The following DOCK10 variants were observed in gnomAD, a reference collection of about 807,000 sequenced individuals.
DOCK10 encodes the protein dedicator of cytokinesis 10, also known as dedicator of cytokinesis protein 10.
In DOCK10, 145 loss-of-function variants were observed where a neutral mutation model predicts 280.1. That is an observed-to-expected ratio of 0.52 (90% CI 0.45 to 0.59). The LOEUF (loss-of-function observed/expected upper bound fraction) is 0.59, where lower values mean the gene tolerates loss of function less well. Among genes scored for constraint, DOCK10 ranks in the 20% least tolerant of loss-of-function variants. The pLI is 0.00. For synonymous variants in DOCK10, 915 were observed against 942.2 expected (o/e 0.97, Z 0.53); for missense variants, 2,368 against 2,651.7 (o/e 0.89, Z 2.35).
chr2:224,803,727 T>C (rs1337963493), intron 39 of DOCK10, among the ~76,000 whole-genome samples: 1 of 152,102 alleles, frequency 6.6e-6, no homozygotes, highest in Non-Finnish European at 1.5e-5. Context: ...TAGGGAGACA[T>C]GATTCCACAT....
chr2:224,876,290 A>G lies in DOCK10; in HGVS notation c.748-69T>C, dbSNP rs1395190463. 9 of 1,365,560 alleles carry G rather than the reference A, an allele frequency of 6.6e-6. No homozygotes were observed. The Admixed American group carries it at 2.2e-4, about 33-fold the overall frequency. The allele number at this position is 1,365,560 out of a possible 1,614,324, so 84.6% of individuals were successfully genotyped here. On this transcript the variant is annotated intron_variant, in intron 7 of 55. Coordinates refer to ENST00000258390, the MANE Select transcript of DOCK10 (RefSeq NM_014689.3). The stretch of plus-strand genomic sequence containing the variant: ...TAAGCCTTCGAGAGAGAGATCATTT[A>G]TGTGGGCTTGAGGTTCCAAAAGTCT...
At chr2:224,994,565 T>G (rs1228670745) in intron 1 of DOCK10, among the ~76,000 whole-genome samples, 1 of 152,214 alleles carries the variant, frequency 6.6e-6, no homozygotes, top group Admixed American at 6.5e-5. Flanking sequence ...CAAAGATTGC[T>G]TCTTTCTAGC....
rs1485187379 is a variant in DOCK10, at chr2:224,804,133, G to A, written c.4247C>T (p.Thr1416Ile). The A allele has an allele frequency of 4.3e-6, 7 of 1,610,370 alleles. No individual in the cohort carries two copies. The highest frequency in any genetic ancestry group is 5.9e-6 in the Non-Finnish European group (7 of 1,177,244). Reference protein sequence around the residue: ...TLKGSNPSCQTSGLLSQWMHS... With the variant: ...TLKGSNPSCQISGLLSQWMHS... ...TTACCATTGTGACAAGAGACCTGATGTCTGGCAGGAAGGATTGGATCCTTT... is the reference window on the plus strand; with the variant it reads ...TTACCATTGTGACAAGAGACCTGATATCTGGCAGGAAGGATTGGATCCTTT... The change falls in exon 39 of 56, where the codon ACA becomes ATA. Residue 1416 changes from threonine to isoleucine, a missense_variant. Thr to Ile is a moderately conservative substitution (Grantham distance 89). Coordinates refer to ENST00000258390, the MANE Select transcript of DOCK10 (RefSeq NM_014689.3).
chr2:224,841,695 A>G, intron 23 of DOCK10, 109 bp downstream of exon 23: 1 of 649,068 alleles, frequency 1.5e-6, no homozygotes. Flanking sequence ...GTATTAAAAA[A>G]TCTTGAGTAA....
chr2:224,908,042 A>ATGTGTG (rs149316414), intron 3 of DOCK10, among the ~76,000 whole-genome samples: 2 of 150,860 alleles, frequency 1.3e-5, no homozygotes, highest in African/African-American at 4.9e-5. Flanking sequence ...AAGACTCTGA[A>ATGTGTG]TGTGTGTGTG....
In DOCK10 at chr2:224,928,169, T is replaced by G. The variant is rs75825566; in HGVS notation, c.243+3380A>C. The stretch of plus-strand genomic sequence containing the variant: ...GGTGAAGCAGGTAACATCAGAGATT[T>G]ACAGACACGCCTATATTCCACAAAG... On this transcript the variant is annotated intron_variant, in intron 2 of 55. Transcript: ENST00000258390. 4.4e-3 allele frequency among the ~76,000 whole-genome samples: 669 copies of G among 152,314 alleles called. 9 individuals carry two copies. The highest frequency in any genetic ancestry group is 0.015 in the African/African-American group (636 of 41,584).
At chr2:224,798,090 A>G (rs1274771980) in intron 41 of DOCK10, 121 bp from the exon 42 acceptor site, 1 of 950,920 alleles carries the variant, frequency 1.1e-6, no homozygotes, top group South Asian at 1.6e-5. Context: ...GAAATAAAGG[A>G]TTGAACAAGG....
chr2:224,837,745 C>G lies in DOCK10; in HGVS notation c.2850+17G>C, dbSNP rs779493630. On this transcript the variant is annotated intron_variant, in intron 25 of 55. Transcript: ENST00000258390. ...AGCACAAGGGGATATGAGCAATTTC[C>G]AAGAGGCATTTCATACCTTAATATA... 13 of 1,609,184 alleles carry G rather than the reference C, an allele frequency of 8.1e-6. No homozygotes were observed. The Middle Eastern group carries it at 1.2e-3, about 143-fold the overall frequency.
At chr2:224,845,665 T>C (rs985424370) in intron 19 of DOCK10, 23 bp from the exon 20 acceptor site, 2 of 1,595,288 alleles carry the variant, frequency 1.3e-6, no homozygotes, top group African/African-American at 1.4e-5. Flanking sequence ...AAACCATAGT[T>C]GGACTGAGAT....
chr2:224,777,704 T>C (rs1690976326), intron 51 of DOCK10, among the ~76,000 whole-genome samples: 1 of 152,224 alleles, frequency 6.6e-6, no homozygotes, highest in Non-Finnish European at 1.5e-5. Flanking sequence ...TGTGATCGTG[T>C]GAGTCAATAC....
At chr2:225,036,420 C>A (rs1690261686) in intron 1 of DOCK10, among the ~76,000 whole-genome samples, 1 of 152,134 alleles carries the variant, frequency 6.6e-6, no homozygotes. Flanking sequence ...TTGTATTGGA[C>A]CCTCATCAAT....
intron 1 of DOCK10, among the ~76,000 whole-genome samples, chr2:224,964,120 T>G (rs1479351936): frequency 2.0e-5 from 3 of 151,502 alleles, no homozygotes; most frequent in African/African-American, 4.9e-5. Context: ...TTAGCACAGG[T>G]GAGATGTCTT....
chr2:225,010,021 G>C (rs950206866), intron 1 of DOCK10, among the ~76,000 whole-genome samples: 1 of 152,144 alleles, frequency 6.6e-6, no homozygotes, highest in African/African-American at 2.4e-5. Context: ...GGAGCCTAAA[G>C]GTTGTCTGGG....
At chr2:224,895,831 G>A (rs1175132323) in intron 4 of DOCK10, among the ~76,000 whole-genome samples, 2 of 88,878 alleles carry the variant, frequency 2.3e-5, no homozygotes, top group Non-Finnish European at 4.1e-5. Context: ...GTGTGTGTGT[G>A]CGTGTGTGTG....
rs1559680266 is a variant in DOCK10, at chr2:224,892,418, A to AG, written c.416+3876_416+3877insC. ...GTCTCAAAAAAAAAAAAAAAAAAAAAAAAAGAAAGAAAGAAAAGAAAAGAA... is the reference window on the plus strand; with the variant it reads ...GTCTCAAAAAAAAAAAAAAAAAAAAAGAAAAGAAAGAAAGAAAAGAAAAGAA... On this transcript the variant is annotated intron_variant, in intron 4 of 55. Transcript: ENST00000258390. Among the ~76,000 whole-genome samples the AG allele has an allele frequency of 3.7e-4, 41 of 111,328 alleles. No homozygotes were observed. In the East Asian group the frequency reaches 5.3e-3, roughly 14 times the overall value. The allele number at this position is 111,328 out of a possible 152,430, so 73.0% of individuals were successfully genotyped here.
At chr2:224,814,299 A>C (rs894518306) in intron 31 of DOCK10, 21 bp downstream of exon 31, 11 of 1,478,564 alleles carry the variant, frequency 7.4e-6, no homozygotes, top group African/African-American at 1.4e-5. Flanking sequence ...ACTGATGCTT[A>C]GGTAAGGTAA....
At chr2:224,820,739 T>G (rs1281570226) in intron 28 of DOCK10, among the ~76,000 whole-genome samples, 2 of 152,220 alleles carry the variant, frequency 1.3e-5, no homozygotes, top group Non-Finnish European at 2.9e-5. Flanking sequence ...ATGAAGGGTT[T>G]TCACTTTTTA....
chr2:224,906,530 G>C (rs1282880091), intron 3 of DOCK10, among the ~76,000 whole-genome samples: 1 of 152,086 alleles, frequency 6.6e-6, no homozygotes, highest in Non-Finnish European at 1.5e-5. Flanking sequence ...GTGTGCTGGA[G>C]TGCAGTAGTG....
intron 14 of DOCK10, among the ~76,000 whole-genome samples, chr2:224,857,839 C>T (rs1388700316): frequency 5.3e-5 from 8 of 151,700 alleles, no homozygotes; most frequent in Admixed American, 6.6e-5. Flanking sequence ...TTTAAGTTAA[C>T]TGAAGAATTC....
Sources: allele counts gnomAD v4.1 joint callset (sites outside exome capture counted in the v4.1 genomes callset), GRCh38; gene constraint gnomAD v4.1.1; transcripts MANE v1.5; gene names NCBI Gene and HGNC (gene_info 2026-07-23, HGNC 2026-07-21).